Variants in ACSS3 observed in about 807,000 individuals in gnomAD.
ACSS3 encodes the protein acyl-CoA synthetase short chain family member 3.
Under a neutral mutation model 84.2 loss-of-function variants are expected in ACSS3, and 64 were observed. The observed-to-expected ratio is 0.76, with a 90% CI of 0.62 to 0.94. ACSS3 has a LOEUF of 0.94. Among genes scored for constraint, ACSS3 ranks in the 40% least tolerant of loss-of-function variants. The pLI is 0.00. For synonymous variants in ACSS3, 317 were observed against 310.1 expected (o/e 1.02, Z -0.23); for missense variants, 815 against 867.6 (o/e 0.94, Z 0.76).
intron 11 of ACSS3, among the ~76,000 whole-genome samples, chr12:81,227,466 A>G (rs574061274): frequency 6.6e-6 from 1 of 151,746 alleles, no homozygotes; most frequent in African/African-American, 2.4e-5. Flanking sequence ...TTGTGCACTC[A>G]TTATTCACTT....
chr12:81,176,694 G>A (rs1327372560), intron 8 of ACSS3, among the ~76,000 whole-genome samples: 4 of 151,794 alleles, frequency 2.6e-5, no homozygotes, highest in African/African-American at 9.7e-5. Context: ...CTACCAACCA[G>A]AAAAAGCCCT....
At chr12:81,118,658 A>G (rs912013968) in intron 2 of ACSS3, among the ~76,000 whole-genome samples, 12 of 152,204 alleles carry the variant, frequency 7.9e-5, no homozygotes, top group Admixed American at 3.3e-4. Flanking sequence ...TAATGTCAAT[A>G]AATTGTAAGT....
At chr12:81,174,432 A>G (rs985409353) in intron 7 of ACSS3, 1 of 162,882 alleles carries the variant, frequency 6.1e-6, no homozygotes, top group African/African-American at 2.4e-5. Context: ...CATGAAAAAT[A>G]CATTAAAGTT....
intron 2 of ACSS3, among the ~76,000 whole-genome samples, chr12:81,133,849 A>G (rs1885650555): frequency 6.6e-6 from 1 of 152,102 alleles, no homozygotes; most frequent in Non-Finnish European, 1.5e-5. Context: ...AGTGTCTGAC[A>G]TATAATAGAT....
At chr12:81,217,062 T>A in intron 10 of ACSS3, 66 bp downstream of exon 10, 1 of 1,309,232 alleles carries the variant, frequency 7.6e-7, no homozygotes, top group African/African-American at 1.5e-5. Flanking sequence ...CTAGTGTGTA[T>A]TATGTTGCAT....
intron 7 of ACSS3, chr12:81,174,529 A>T (rs2030324591): frequency 3.2e-6 from 1 of 316,318 alleles, no homozygotes. Context: ...TGTATTTTTA[A>T]TTCTTTATTT....
At chr12:81,209,123 G>A (rs2032478649) in intron 9 of ACSS3, among the ~76,000 whole-genome samples, 1 of 151,800 alleles carries the variant, frequency 6.6e-6, no homozygotes, top group Admixed American at 6.6e-5. Context: ...TTAGGCCCCT[G>A]ATCTTTATCA....
At chr12:81,084,738 TG>T (rs1415878373) in intron 1 of ACSS3, among the ~76,000 whole-genome samples, 1 of 152,124 alleles carries the variant, frequency 6.6e-6, no homozygotes, top group Non-Finnish European at 1.5e-5. Context: ...GATATTCTAG[TG>T]TCATGCATTG....
intron 5 of ACSS3, among the ~76,000 whole-genome samples, chr12:81,151,399 A>G (rs944578834): frequency 2.0e-5 from 3 of 152,122 alleles, no homozygotes; most frequent in Non-Finnish European, 4.4e-5. Context: ...TGTTTCCTCC[A>G]AGCAGCTATT....
At chr12:81,179,973 G>A (rs373212916) in intron 8 of ACSS3, among the ~76,000 whole-genome samples, 1 of 152,160 alleles carries the variant, frequency 6.6e-6, no homozygotes, top group African/African-American at 2.4e-5. Context: ...GCAAAGACAT[G>A]TGATCAAGCT....
At position 81,260,225 on chromosome 12, in the gene ACSS3, G is replaced by C. The variant is rs1027662129; in HGVS notation, c.*5303G>C. 6.6e-6 allele frequency: 1 copy of C among 152,100 alleles called. No homozygotes were observed. The highest frequency in any genetic ancestry group is 1.5e-5 in the Non-Finnish European group (1 of 68,006). 9.4% of individuals were successfully genotyped at this position (152,100 alleles called of 1,614,324 possible). A position where few individuals can be genotyped will look rare whatever the true frequency, so the allele number is the denominator to read the frequency against. ...GCTCTGGATTATTTTAATATCAAAA[G>C]TGTTGTTGTTTCACCCAAACAAAAA... On this transcript the variant is annotated 3_prime_UTR_variant, in exon 16 of 16. Coordinates refer to ENST00000548058, the MANE Select transcript of ACSS3 (RefSeq NM_024560.4).
chr12:81,137,023 C>G (rs1414536757), intron 3 of ACSS3, among the ~76,000 whole-genome samples: 3 of 151,974 alleles, frequency 2.0e-5, no homozygotes, highest in African/African-American at 7.3e-5. Context: ...CTGAAGGCCC[C>G]CTGAGTACTA....
At chr12:81,128,412 C>A (rs1309133241) in intron 2 of ACSS3, among the ~76,000 whole-genome samples, 1 of 151,984 alleles carries the variant, frequency 6.6e-6, no homozygotes, top group Non-Finnish European at 1.5e-5. Flanking sequence ...TACATTTTTT[C>A]ATTTCCTCTA....
At chr12:81,197,228 A>G (rs1005622233) in intron 8 of ACSS3, among the ~76,000 whole-genome samples, 1 of 152,184 alleles carries the variant, frequency 6.6e-6, no homozygotes, top group African/African-American at 2.4e-5. Flanking sequence ...GACATCATTT[A>G]TCAGTGATTC....
At chr12:81,109,838 T>TCTGTATTCATTTCCAATG in intron 2 of ACSS3, 134 bp downstream of exon 2, 1 of 750,608 alleles carries the variant, frequency 1.3e-6, no homozygotes, top group Non-Finnish European at 2.0e-6. Flanking sequence ...TTGATACACA[T>TCTGTATTCATTTCCAATG]TGGAAATGAA....
chr12:81,135,180 G>A (rs1213392491), intron 3 of ACSS3, among the ~76,000 whole-genome samples, 176 bp downstream of exon 3: 2 of 150,452 alleles, frequency 1.3e-5, no homozygotes, highest in Non-Finnish European at 3.0e-5. Context: ...ACGCCTACAT[G>A]CATATGTTTA....
At chr12:81,082,514 T>C (rs1311259313) in intron 1 of ACSS3, among the ~76,000 whole-genome samples, 1 of 151,784 alleles carries the variant, frequency 6.6e-6, no homozygotes, top group African/African-American at 2.4e-5. Context: ...GGAAAGAAAA[T>C]AGCATATGCA....
chr12:81,252,350 G>A (rs929689239), intron 13 of ACSS3, among the ~76,000 whole-genome samples: 13 of 152,062 alleles, frequency 8.5e-5, no homozygotes, highest in African/African-American at 2.2e-4. Context: ...GAAGCAATAC[G>A]CTATTTTTGA....
intron 7 of ACSS3, among the ~76,000 whole-genome samples, chr12:81,167,724 T>C (rs1252397925): frequency 1.3e-5 from 2 of 152,186 alleles, no homozygotes; most frequent in African/African-American, 2.4e-5. Flanking sequence ...CCAACACTGT[T>C]GCACTGGGGA....
Sources: gnomAD v4.1 joint callset for allele counts (sites outside exome capture counted in the v4.1 genomes callset) on GRCh38, gnomAD v4.1.1 for gene constraint, MANE v1.5 for transcripts, NCBI Gene and HGNC (gene_info 2026-07-23, HGNC 2026-07-21) for gene names.